ITGAL: variants seen among roughly 807,000 people sequenced by gnomAD.
The protein encoded by ITGAL is integrin subunit alpha L.
A neutral mutation model predicts 138.4 loss-of-function variants in ITGAL; 68 were observed. The observed-to-expected ratio is 0.49, with a 90% confidence interval of 0.40 to 0.60. The LOEUF is 0.60. Among genes scored for constraint, ITGAL ranks in the 20% least tolerant of loss-of-function variants. The probability of loss-of-function intolerance (pLI) is 0.00; values close to 1 mark genes in which losing one functional copy is unlikely to be tolerated. For missense variants in ITGAL, 1,256 were observed against 1,478.6 expected, an observed-to-expected ratio of 0.85 and a Z score of 2.47; for synonymous variants, 561 against 584.3, an observed-to-expected ratio of 0.96 and a Z score of 0.57.
In ITGAL at chr16:30,494,226, T is replaced by A. The variant is rs1422233580; in HGVS notation, c.1228T>A (p.Trp410Arg). The A allele has an allele frequency of 3.7e-6, 6 of 1,609,860 alleles. No individual in the cohort carries two copies. Among genetic ancestry groups the A allele is most frequent in the Admixed American group, 1.7e-5 (1 of 59,762 alleles). Residue 410 changes from tryptophan (W) to arginine (R), a missense_variant, in exon 12 of 31, where the codon TGG becomes AGG. Trp to Arg is a moderately radical substitution (Grantham distance 101). Around this residue, in one of 3 missense-constraint regions of ITGAL, gnomAD observed 867 missense variants for 972.5 expected, o/e 0.89. Coordinates refer to ENST00000356798, the MANE Select transcript of ITGAL (RefSeq NM_002209.3). This position sits in a 1 kb window ranked among gnomAD's most constrained non-coding sequence, Gnocchi z 4.2. Reference sequence around the variant, plus strand: ...ACTTTCCTCAGGTTACACCGTGACCTGGCTGCCCTCCCGGCAAAAGACTTC... The same window carrying A: ...ACTTTCCTCAGGTTACACCGTGACCAGGCTGCCCTCCCGGCAAAAGACTTC... ...RAGYLGYTVT[W>R]LPSRQKTSLL...
chr16:30,487,260 G>A (rs1365253623), intron 9 of ITGAL, among the ~76,000 whole-genome samples: 1 of 151,830 alleles, frequency 6.6e-6, no homozygotes, highest in East Asian at 1.9e-4. Context: ...ACAGGCATGA[G>A]CCACTACGCC....
intron 11 of ITGAL, among the ~76,000 whole-genome samples, chr16:30,493,060 A>C (rs1040042538): frequency 2.0e-5 from 3 of 149,276 alleles, no homozygotes; most frequent in African/African-American, 7.4e-5. Context: ...TAGTTTTTGT[A>C]ATTTTTTGTA....
At chr16:30,498,356 C>T (rs1371054271) in intron 15 of ITGAL, among the ~76,000 whole-genome samples, 1 of 151,570 alleles carries the variant, frequency 6.6e-6, no homozygotes, top group African/African-American at 2.4e-5. Flanking sequence ...CGCTGGAGGC[C>T]AGGAGTGTGA....
At chr16:30,474,478 C>T (rs763861625) in intron 2 of ITGAL, 180 bp downstream of exon 2, 2 of 591,320 alleles carry the variant, frequency 3.4e-6, no homozygotes, top group Non-Finnish European at 3.0e-6. Flanking sequence ...GATCAAAAAG[C>T]GGGATACACG....
At chr16:30,474,539 A>C in intron 2 of ITGAL, 3 of 522,594 alleles carry the variant, frequency 5.7e-6, no homozygotes, top group East Asian at 3.3e-5. Context: ...CCAGCCCCAA[A>C]ACACTTCGCA....
Position 30,489,216 on chromosome 16 carries a change from G to A in ITGAL, c.1081-38G>A, listed in dbSNP as rs371868892. The A allele has an allele frequency of 1.9e-5, 31 of 1,613,278 alleles. No individual in the cohort carries two copies. The African/African-American group carries it at 2.8e-4, about 15-fold the overall frequency. On this transcript the variant is annotated intron_variant, in intron 10 of 30. Coordinates refer to ENST00000356798, the MANE Select transcript of ITGAL (RefSeq NM_002209.3). ...TGCAGTTGGCTCTGGGGGGTGGGTC[G>A]GTGGGTAGCTGACCCGCTCATCTCC... is the stretch of plus-strand genomic sequence containing the variant.
chr16:30,477,621 G>A (rs558043443), intron 4 of ITGAL, among the ~76,000 whole-genome samples: 3 of 152,052 alleles, frequency 2.0e-5, no homozygotes, highest in South Asian at 4.1e-4. Flanking sequence ...TGGCAGGAAA[G>A]GGTCATAAAT....
chr16:30,518,363 C>T (rs894285269), intron 28 of ITGAL, among the ~76,000 whole-genome samples: 8 of 151,812 alleles, frequency 5.3e-5, no homozygotes, highest in African/African-American at 1.9e-4. Context: ...GCATGAGAAT[C>T]CCTTAAACCC....
In ITGAL at chr16:30,521,597, G is replaced by GC; in HGVS notation, c.3446dup (p.Gly1150TrpfsTer11). 1 of 1,614,166 alleles carries GC rather than the reference G, an allele frequency of 6.2e-7. No homozygotes were observed. The highest frequency in any genetic ancestry group is 8.5e-7 in the Non-Finnish European group (1 of 1,180,038). On this transcript the variant is annotated frameshift_variant, in exon 31 of 31. Transcript: ENST00000356798. LOFTEE classifies it low-confidence loss of function (END_TRUNC). ...TGAGCAGCTGGCATCTGGGCAAGAG[G>GC]CTGGGGATCCCGGCTGCCTGAAGCC...
rs1473885289 is a variant in ITGAL at position 30,510,422 on chromosome 16, G to C, written c.2570G>C (p.Arg857Thr). The C allele has an allele frequency of 1.2e-6, 2 of 1,613,488 alleles. No homozygotes were observed. Among genetic ancestry groups the C allele is most frequent in the African/African-American group, 2.7e-5 (2 of 74,914 alleles). ...CCTGAAGAGTCCAGGCTTCTGTCCAGGGCATTATCTTGCAATGTGAGCTCT... is the reference window on the plus strand; with the variant it reads ...CCTGAAGAGTCCAGGCTTCTGTCCACGGCATTATCTTGCAATGTGAGCTCT... ...ELPEESRLLS[R>T]ALSCNVSSPI... The change falls in exon 22 of 31, where the codon AGG becomes ACG. Residue 857 changes from arginine to threonine, a missense_variant. Around this residue, in one of 3 missense-constraint regions of ITGAL, gnomAD observed 867 missense variants for 972.5 expected, o/e 0.89. Coordinates refer to ENST00000356798, the MANE Select transcript of ITGAL (RefSeq NM_002209.3).
intron 29 of ITGAL, 43 bp from the exon 30 acceptor site, chr16:30,519,814 G>A (rs372420388): frequency 1.5e-5 from 19 of 1,301,956 alleles, no homozygotes; most frequent in East Asian, 2.3e-5. Context: ...ACTTTCAGGG[G>A]TGGAAAAGGC....
At chr16:30,489,638 T>C (rs2050696715) in intron 11 of ITGAL, among the ~76,000 whole-genome samples, 1 of 152,168 alleles carries the variant, frequency 6.6e-6, no homozygotes, top group Non-Finnish European at 1.5e-5. Flanking sequence ...ACAACTTGCC[T>C]GTGAATATGC....
At chr16:30,487,291 C>T (rs1458450731) in intron 9 of ITGAL, among the ~76,000 whole-genome samples, 1 of 151,764 alleles carries the variant, frequency 6.6e-6, no homozygotes, top group African/African-American at 2.4e-5. Context: ...AGAGTTTCTA[C>T]TATATTGCCC....
chr16:30,495,707 G>A (rs1442574969), intron 13 of ITGAL, among the ~76,000 whole-genome samples: 4 of 152,078 alleles, frequency 2.6e-5, no homozygotes. Flanking sequence ...AAGTTAGCCA[G>A]ATGTGGTGGT....
Position 30,517,866 on chromosome 16 carries a change from G to C in ITGAL, c.3103G>C (p.Gly1035Arg), listed in dbSNP as rs759661349. 1 of 1,614,062 alleles carries C rather than the reference G, an allele frequency of 6.2e-7. No homozygotes were observed. The highest frequency in any genetic ancestry group is 1.1e-5 in the South Asian group (1 of 91,076). ...GCAGGAGATCCTCGTCCAAGTGATC[G>C]GGACTCTGGAGCTGGTGGGAGAGAT... is the stretch of plus-strand genomic sequence containing the variant. Reference protein sequence around the residue: ...FRQEILVQVIGTLELVGEIEA... With the variant: ...FRQEILVQVIRTLELVGEIEA... Residue 1035 changes from glycine (G) to arginine (R), a missense_variant, in exon 28 of 31, where the codon GGG becomes CGG. Physicochemically the swap from Gly to Arg is moderately radical, Grantham distance 125 (BLOSUM62 -2). Coordinates refer to ENST00000356798, the MANE Select transcript of ITGAL (RefSeq NM_002209.3).
intron 25 of ITGAL, among the ~76,000 whole-genome samples, chr16:30,516,243 T>C (rs552218448): frequency 6.6e-6 from 1 of 152,014 alleles, no homozygotes. Context: ...TTTTTTTTTT[T>C]TTTTGAGACG....
chr16:30,505,221 C>A, intron 18 of ITGAL, 23 bp from the exon 19 acceptor site: 9 of 1,565,976 alleles, frequency 5.7e-6, no homozygotes, highest in South Asian at 1.2e-5. Flanking sequence ...CTCTCTCCAT[C>A]CTGCCCACTA....
At chr16:30,477,840 T>G (rs2050492783) in intron 4 of ITGAL, among the ~76,000 whole-genome samples, 1 of 151,428 alleles carries the variant, frequency 6.6e-6, no homozygotes, top group African/African-American at 2.4e-5. Flanking sequence ...GAGCCATGAT[T>G]GTCCCACTGC....
At chr16:30,475,998 T>C (rs1424540687) in intron 4 of ITGAL, among the ~76,000 whole-genome samples, 1 of 152,020 alleles carries the variant, frequency 6.6e-6, no homozygotes, top group Non-Finnish European at 1.5e-5. Flanking sequence ...CTGCCTCTAA[T>C]CCCAGCACTT....
Sources: allele counts gnomAD v4.1 joint callset (sites outside exome capture counted in the v4.1 genomes callset), GRCh38; gene constraint gnomAD v4.1.1; regional missense constraint gnomAD v4.1.1; non-coding constraint Gnocchi (gnomAD v3.1); transcripts MANE v1.5; gene names NCBI Gene and HGNC (gene_info 2026-07-23, HGNC 2026-07-21).